PIGU: variants seen among roughly 807,000 people sequenced by gnomAD.
PIGU encodes the protein phosphatidylinositol glycan anchor biosynthesis class U, also known as GPI-anchor transamidase component PIGU.
In PIGU, 24 loss-of-function variants were observed where a neutral mutation model predicts 49.9. The observed-to-expected ratio is 0.48, with a 90% CI of 0.35 to 0.68. The LOEUF is 0.68. PIGU is among the 30% of genes least tolerant of loss of function. The pLI is 0.01. For missense variants in PIGU, 490 were observed against 532.6 expected (o/e 0.92, Z 0.79); for synonymous variants, 220 against 205.7 (o/e 1.07, Z -0.59).
chr20:34,610,311 G>A (rs1048805052), intron 7 of PIGU, among the ~76,000 whole-genome samples: 3 of 152,060 alleles, frequency 2.0e-5, no homozygotes, highest in Admixed American at 6.6e-5. Context: ...AAACCCCACC[G>A]TCTCAGCCCA....
At chr20:34,644,664 C>G (rs1986275313) in intron 3 of PIGU, among the ~76,000 whole-genome samples, 1 of 152,132 alleles carries the variant, frequency 6.6e-6, no homozygotes, top group Admixed American at 6.6e-5. Context: ...ACAAGTGTTT[C>G]AAATTGCTAT....
chr20:34,668,709 C>T lies in PIGU; in HGVS notation c.130+8247G>A, dbSNP rs950871304. ...GCATGAAACCGGAAGGCGGAGCTTG[C>T]AGTGAACCAAGATCGTGTCACTGCA... On this transcript the variant is annotated intron_variant, in intron 1 of 11. Transcript: ENST00000217446. Among the ~76,000 whole-genome samples the T allele has an allele frequency of 1.1e-4, 16 of 150,762 alleles. No homozygotes were observed. In the East Asian group the frequency reaches 2.9e-3, roughly 28 times the overall value.
chr20:34,668,191 G>A (rs1475858294), intron 1 of PIGU, among the ~76,000 whole-genome samples: 2 of 152,014 alleles, frequency 1.3e-5, no homozygotes, highest in Non-Finnish European at 1.5e-5. Flanking sequence ...GGCCAGGCGC[G>A]GTGGCTCATG....
intron 11 of PIGU, among the ~76,000 whole-genome samples, chr20:34,564,215 G>A (rs1600580673): frequency 1.3e-5 from 2 of 152,152 alleles, no homozygotes. Context: ...TAATAGTAAC[G>A]TATCAGGGTG....
chr20:34,649,164 G>A (rs1171393489), intron 2 of PIGU, among the ~76,000 whole-genome samples: 3 of 151,836 alleles, frequency 2.0e-5, no homozygotes, highest in Non-Finnish European at 4.4e-5. Context: ...ACCACGCCCG[G>A]TCTGTTTTAT....
chr20:34,639,333 G>A lies in PIGU; in HGVS notation c.319-1348C>T, dbSNP rs191251247. ...GGAGAATGGCGTGAACCCGGGAGGC[G>A]GAGCTTGCAGTGAGCCGAGATTATA... is the stretch of plus-strand genomic sequence containing the variant. On this transcript the variant is annotated intron_variant, in intron 4 of 11. Coordinates refer to ENST00000217446, the MANE Select transcript of PIGU (RefSeq NM_080476.5). Among the ~76,000 whole-genome samples the A allele has an allele frequency of 4.2e-4, 64 of 152,188 alleles. No homozygotes were observed. The Middle Eastern group carries it at 0.02, about 49-fold the overall frequency.
rs933389471 is a variant in PIGU, at chr20:34,560,852, T to G, written c.*14A>C. The G allele has an allele frequency of 6.4e-7, 1 of 1,570,540 alleles. No homozygotes were observed. The highest frequency in any genetic ancestry group is 1.1e-5 in the South Asian group (1 of 88,374). On this transcript the variant is annotated 3_prime_UTR_variant, in exon 12 of 12. Coordinates refer to ENST00000217446, the MANE Select transcript of PIGU (RefSeq NM_080476.5). ...CAGCCCCCTGAGGTCCATGCAGCCC[T>G]GTGCCAGCCAGGCCTACTTGAGCAC... is the stretch of plus-strand genomic sequence containing the variant.
intron 7 of PIGU, among the ~76,000 whole-genome samples, chr20:34,599,223 T>TGAGTA (rs748188083): frequency 4.6e-5 from 7 of 151,938 alleles, no homozygotes; most frequent in Non-Finnish European, 1.0e-4. Context: ...GAGGCCAAGG[T>TGAGTA]GAGTAGATCA....
At chr20:34,631,722 CATATATATATATATATATATATATATAT>C (rs1375158723) in intron 6 of PIGU, among the ~76,000 whole-genome samples, 12 of 33,708 alleles carry the variant, frequency 3.6e-4, no homozygotes, top group South Asian at 1.8e-3. Flanking sequence ...TCCGGCTAAC[CATATATATATATATATATATATATATAT>C]ATATATATAT....
At chr20:34,664,751 AG>A (rs1290271259) in intron 1 of PIGU, among the ~76,000 whole-genome samples, 1 of 152,122 alleles carries the variant, frequency 6.6e-6, no homozygotes, top group Non-Finnish European at 1.5e-5. Flanking sequence ...GCACTTTGAG[AG>A]GCCAAGGAGG....
chr20:34,603,274 A>G (rs1054794968), intron 7 of PIGU, among the ~76,000 whole-genome samples: 1 of 152,116 alleles, frequency 6.6e-6, no homozygotes, highest in African/African-American at 2.4e-5. Flanking sequence ...GCAGTTATTG[A>G]TGCTCAGTAC....
chr20:34,598,648 A>G (rs1013839080), intron 7 of PIGU, among the ~76,000 whole-genome samples: 11 of 152,196 alleles, frequency 7.2e-5, no homozygotes, highest in Admixed American at 2.6e-4. Context: ...AGTTATTCCA[A>G]CCACCACTTA....
chr20:34,560,940 G>C lies in PIGU; in HGVS notation c.1234C>G (p.Arg412Gly), dbSNP rs751898046. Reference protein sequence around the residue: ...ISDYFYAFLRREYYLTHGLYL... With the variant: ...ISDYFYAFLRGEYYLTHGLYL... Reference sequence around the variant, plus strand: ...AGGCCATGTGTGAGGTAGTACTCCCGCCGCAGGAAGGCATAGAAGTAATCA... The same window carrying C: ...AGGCCATGTGTGAGGTAGTACTCCCCCCGCAGGAAGGCATAGAAGTAATCA... Residue 412 changes from arginine to glycine, a missense_variant, in exon 12 of 12, where the codon CGG (arginine) becomes GGG (glycine). Transcript: ENST00000217446. 6.2e-7 allele frequency: 1 copy of C among 1,612,952 alleles called. No homozygotes were observed. The highest frequency in any genetic ancestry group is 1.7e-5 in the Admixed American group (1 of 59,986).
chr20:34,638,310 C>T (rs1986034692), intron 4 of PIGU, among the ~76,000 whole-genome samples: 1 of 152,186 alleles, frequency 6.6e-6, no homozygotes. Flanking sequence ...CCCTCACCAC[C>T]CCACACCCAG....
At chr20:34,635,356 G>GT (rs911579549) in intron 5 of PIGU, among the ~76,000 whole-genome samples, 42 of 152,292 alleles carry the variant, frequency 2.8e-4, no homozygotes, top group African/African-American at 8.9e-4. Flanking sequence ...GACAGAATAA[G>GT]TATCTACTGA....
chr20:34,571,571 G>A (rs569183459), intron 11 of PIGU, among the ~76,000 whole-genome samples: 5 of 152,222 alleles, frequency 3.3e-5, no homozygotes, highest in African/African-American at 1.2e-4. Flanking sequence ...TGAATACCAG[G>A]CACCTTCCTA....
chr20:34,589,241 G>A (rs1213516373), intron 7 of PIGU, among the ~76,000 whole-genome samples: 1 of 151,730 alleles, frequency 6.6e-6, no homozygotes, highest in African/African-American at 2.4e-5. Flanking sequence ...AAATATAATT[G>A]GAACCTAAGA....
intron 7 of PIGU, among the ~76,000 whole-genome samples, chr20:34,589,512 C>G (rs1203772908): frequency 6.6e-6 from 1 of 151,974 alleles, no homozygotes; most frequent in Non-Finnish European, 1.5e-5. Context: ...ACCACCACAC[C>G]CAGTTAATTT....
intron 1 of PIGU, among the ~76,000 whole-genome samples, chr20:34,668,483 A>AAAAAAAAG (rs1412365978): frequency 1.4e-4 from 12 of 88,726 alleles, no homozygotes; most frequent in African/African-American, 2.2e-4. Context: ...AAAAAAAAAA[A>AAAAAAAAG]GGGGGGGGCG....
Sources: gnomAD v4.1 joint callset for allele counts (sites outside exome capture counted in the v4.1 genomes callset) on GRCh38, gnomAD v4.1.1 for gene constraint, MANE v1.5 for transcripts, NCBI Gene and HGNC (gene_info 2026-07-23, HGNC 2026-07-21) for gene names.